The following PCLO variants were observed in gnomAD, a reference collection of about 807,000 sequenced individuals.
The protein encoded by PCLO is protein piccolo.
In PCLO, 82 loss-of-function variants were observed where a neutral mutation model predicts 427.5. The ratio of observed to expected loss-of-function variants is 0.19; its 90% CI spans 0.16 to 0.23. The LOEUF is 0.23. Ranked by LOEUF, PCLO falls within the 10% of genes least tolerant of loss-of-function variation. The pLI, the probability that PCLO is intolerant of heterozygous loss-of-function variation, is 1.00. For synonymous variants in PCLO, 2,357 were observed against 2,155.4 expected (o/e 1.09, Z -2.59); for missense variants, 6,239 against 6,115.9 (o/e 1.02, Z -0.67).
chr7:82,967,229 G>A (rs1381950393), intron 3 of PCLO, among the ~76,000 whole-genome samples: 2 of 145,396 alleles, frequency 1.4e-5, no homozygotes, highest in African/African-American at 5.1e-5. Flanking sequence ...AGGCTGGGGT[G>A]CAATGGTGCG....
intron 22 of PCLO, among the ~76,000 whole-genome samples, chr7:82,781,333 CA>C (rs1790867822): frequency 1.3e-5 from 2 of 151,556 alleles, no homozygotes; most frequent in Non-Finnish European, 2.9e-5. Context: ...TCCAGCCCCC[CA>C]AAAAAACCCA....
chr7:82,977,669 C>A (rs1279334047), intron 3 of PCLO, among the ~76,000 whole-genome samples: 1 of 152,062 alleles, frequency 6.6e-6, no homozygotes, highest in African/African-American at 2.4e-5. Flanking sequence ...CTGCCTTGGC[C>A]TCCCAAAGTG....
intron 6 of PCLO, among the ~76,000 whole-genome samples, chr7:82,937,361 A>T (rs1285597348): frequency 2.0e-5 from 3 of 151,390 alleles, no homozygotes; most frequent in South Asian, 2.1e-4. Context: ...CATTTGGAAA[A>T]CAATGTTGTG....
At chr7:83,095,726 G>A (rs1304585610) in intron 3 of PCLO, among the ~76,000 whole-genome samples, 4 of 151,786 alleles carry the variant, frequency 2.6e-5, no homozygotes, top group Non-Finnish European at 4.4e-5. Context: ...CAAGTGTTTG[G>A]AGATTTTCCT....
chr7:83,043,915 T>TTTC (rs1789036726), intron 3 of PCLO, among the ~76,000 whole-genome samples: 4 of 100,188 alleles, frequency 4.0e-5, no homozygotes. Context: ...TTATTTTCTT[T>TTTC]TTTTTTTTTT....
intron 6 of PCLO, among the ~76,000 whole-genome samples, chr7:82,919,337 T>A (rs1350014491): frequency 6.6e-6 from 1 of 151,974 alleles, no homozygotes; most frequent in African/African-American, 2.4e-5. Flanking sequence ...CCCAAAAGCC[T>A]GCAGGAGCCA....
chr7:83,051,905 A>C (rs1377369709), intron 3 of PCLO, among the ~76,000 whole-genome samples: 2 of 152,088 alleles, frequency 1.3e-5, no homozygotes, highest in Non-Finnish European at 2.9e-5. Context: ...ACTCACACAC[A>C]GTCAAAGGAG....
Position 82,772,344 on chromosome 7 carries a change from A to T in PCLO, c.15008-10851T>A, listed in dbSNP as rs542571801. On this transcript the variant is annotated intron_variant, in intron 22 of 24. Transcript: ENST00000333891. Reference sequence around the variant, plus strand: ...ACCCAAAATAAATGATTGTCAATCTATTAATTTCATTTTTATTTATATGTA... The same window carrying T: ...ACCCAAAATAAATGATTGTCAATCTTTTAATTTCATTTTTATTTATATGTA... 5.5e-3 allele frequency among the ~76,000 whole-genome samples: 843 copies of T among 152,262 alleles called. 3 individuals carry two copies. The highest frequency in any genetic ancestry group is 8.7e-3 in the Non-Finnish European group (595 of 68,002).
intron 3 of PCLO, among the ~76,000 whole-genome samples, chr7:83,049,814 T>C (rs967194946): frequency 2.0e-5 from 3 of 152,086 alleles, no homozygotes; most frequent in Non-Finnish European, 2.9e-5. Flanking sequence ...AGATATCACC[T>C]TGGTGGGGAG....
At chr7:83,063,561 C>T (rs1364861388) in intron 3 of PCLO, among the ~76,000 whole-genome samples, 1 of 151,986 alleles carries the variant, frequency 6.6e-6, no homozygotes, top group Non-Finnish European at 1.5e-5. Context: ...TAGGCTGGTG[C>T]AAGTTTTCTG....
intron 3 of PCLO, among the ~76,000 whole-genome samples, chr7:83,070,816 T>C (rs1487542375): frequency 1.3e-5 from 2 of 151,986 alleles, no homozygotes; most frequent in African/African-American, 4.8e-5. Context: ...GATTTTGGAG[T>C]TGTTGTGGAC....
At chr7:83,048,136 A>G (rs1554384884) in intron 3 of PCLO, among the ~76,000 whole-genome samples, 1 of 151,944 alleles carries the variant, frequency 6.6e-6, no homozygotes, top group African/African-American at 2.4e-5. Flanking sequence ...GTGTTATTAA[A>G]TGTTTGCTGC....
intron 4 of PCLO, 99 bp from the exon 5 acceptor site, chr7:82,957,034 AT>A: frequency 7.8e-7 from 1 of 1,278,206 alleles, no homozygotes; most frequent in Non-Finnish European, 1.0e-6. Flanking sequence ...CTGAAAAATA[AT>A]TTTGGAAAAT....
In PCLO at chr7:82,951,489, A is replaced by G; in HGVS notation, c.9099T>C (p.Gly3033=). 1 of 1,553,074 alleles carries G rather than the reference A, an allele frequency of 6.4e-7. No homozygotes were observed. The highest frequency in any genetic ancestry group is 8.7e-7 in the Non-Finnish European group (1 of 1,144,300). Residue 3033 remains glycine, a splice_region_variant and synonymous_variant, in exon 6 of 25, where the codon GGT becomes GGC. Transcript: ENST00000333891. ...TCTTGCTTGAATAATCCATTACCTC[A>G]CCTGAAATACAGGGCAGAGTTATAG... is the stretch of plus-strand genomic sequence containing the variant. ...VDLTSGRVTT[G]EVMDYSSKTT...
At chr7:82,884,956 T>C (rs1247224901) in intron 9 of PCLO, among the ~76,000 whole-genome samples, 1 of 152,212 alleles carries the variant, frequency 6.6e-6, no homozygotes, top group Non-Finnish European at 1.5e-5. Context: ...AGAAAAATAC[T>C]ATTCTAATTC....
chr7:83,114,608 C>T (rs928534389), intron 3 of PCLO, among the ~76,000 whole-genome samples: 7 of 151,942 alleles, frequency 4.6e-5, no homozygotes, highest in Admixed American at 4.6e-4. Flanking sequence ...TTTAGTGTAG[C>T]ACCTTACGTG....
At chr7:82,903,282 G>A (rs1262081320) in intron 8 of PCLO, among the ~76,000 whole-genome samples, 2 of 151,924 alleles carry the variant, frequency 1.3e-5, no homozygotes, top group African/African-American at 2.4e-5. Context: ...GGTACTAGAA[G>A]TTTCATTGTA....
intron 6 of PCLO, among the ~76,000 whole-genome samples, chr7:82,928,594 C>T (rs751120583): frequency 6.6e-6 from 1 of 151,998 alleles, no homozygotes; most frequent in Non-Finnish European, 1.5e-5. Flanking sequence ...ATGTTGGTCT[C>T]GAACTCCTGA....
At chr7:82,934,081 A>T (rs1343812196) in intron 6 of PCLO, among the ~76,000 whole-genome samples, 1 of 151,968 alleles carries the variant, frequency 6.6e-6, no homozygotes, top group Non-Finnish European at 1.5e-5. Context: ...TAATATTAAA[A>T]TATAACTTTT....
Sources: gnomAD v4.1 joint callset for allele counts (sites outside exome capture counted in the v4.1 genomes callset) on GRCh38, gnomAD v4.1.1 for gene constraint, MANE v1.5 for transcripts, NCBI Gene and HGNC (gene_info 2026-07-23, HGNC 2026-07-21) for gene names.